Variants in SLC52A1 observed in about 807,000 individuals in gnomAD.
SLC52A1 encodes solute carrier family 52 member 1.
A neutral mutation model predicts 23.2 loss-of-function variants in SLC52A1; 20 were observed. The ratio of observed to expected loss-of-function variants is 0.86; its 90% CI spans 0.61 to 1.25. SLC52A1 has a LOEUF of 1.25. Among genes scored for constraint, SLC52A1 ranks in the 50% most tolerant of loss-of-function variants. The pLI, the probability that SLC52A1 is intolerant of heterozygous loss-of-function variation, is 0.00. For missense variants in SLC52A1, 528 were observed against 557.0 expected, an observed-to-expected ratio of 0.95 and a Z score of 0.52; for synonymous variants, 260 against 256.6, an observed-to-expected ratio of 1.01 and a Z score of -0.13.
At chr17:5,033,229 C>A (rs1365602758) in intron 4 of SLC52A1, 32 bp downstream of exon 4, 1 of 1,612,700 alleles carries the variant, frequency 6.2e-7, no homozygotes, top group East Asian at 2.2e-5. Context: ...AGGGGACACC[C>A]TCCTCCCCAC....
In SLC52A1 at chr17:5,032,849, A is replaced by G. The variant is rs1357310018; in HGVS notation, c.*108T>C. The G allele has an allele frequency of 1.0e-5, 10 of 995,366 alleles. No individual in the cohort carries two copies. The Admixed American group carries it at 2.2e-4, about 22-fold the overall frequency. The allele number at this position is 995,366 out of a possible 1,614,324, so 61.7% of individuals were successfully genotyped here. A position where few individuals can be genotyped will look rare whatever the true frequency, so the allele number is the denominator to read the frequency against. ...TCTGTGGAGTGTGCAGGTGTCCATG[A>G]GCGTTCCTGTGTTGGGGGAAGCCTG... On this transcript the variant is annotated 3_prime_UTR_variant, in exon 5 of 5. Coordinates refer to ENST00000254853, the MANE Select transcript of SLC52A1 (RefSeq NM_017986.4).
At chr17:5,041,720 C>A (rs1322249149) in intron 1 of SLC52A1, among the ~76,000 whole-genome samples, 2 of 152,098 alleles carry the variant, frequency 1.3e-5, no homozygotes, top group Non-Finnish European at 2.9e-5. Context: ...CTCAGGTGAT[C>A]CACCTGCCTC....
chr17:5,033,618 C>T lies in SLC52A1; in HGVS notation c.871G>A (p.Ala291Thr), dbSNP rs770890968. The change falls in exon 3 of 5, where the codon GCC (alanine) becomes ACC (threonine). Residue 291 changes from alanine (A) to threonine (T), a missense_variant. Physicochemically the swap from Ala to Thr is moderately conservative, Grantham distance 58. Transcript: ENST00000254853. ...FLLGLMAFTS[A>T]VTNGVLPSVQ... ...GAAGGCAGCACGCCATTGGTCACGG[C>T]ACTGGTGAAGGCCATCAGGCCCAGC... 1 of 1,614,034 alleles carries T rather than the reference C, an allele frequency of 6.2e-7. No individual in the cohort carries two copies. Among genetic ancestry groups the T allele is most frequent in the East Asian group, 2.2e-5 (1 of 44,888 alleles).
At chr17:5,035,636 C>T (rs1204931949), upstream of SLC52A1, among the ~76,000 whole-genome samples, 2 of 152,160 alleles carry the variant, frequency 1.3e-5, no homozygotes, top group Non-Finnish European at 2.9e-5. Context: ...CCCCCTCCGC[C>T]GGGGAGGCGG....
At chr17:5,035,808 C>CG (rs1975442112), upstream of SLC52A1, among the ~76,000 whole-genome samples, 1 of 114 alleles carries the variant, frequency 8.8e-3, no homozygotes, top group Non-Finnish European at 0.021. Flanking sequence ...GATCCTCCCA[C>CG]TCAGCCTCTC....
chr17:5,040,765 T>G (rs1046910302), intron 1 of SLC52A1, among the ~76,000 whole-genome samples: 7 of 151,950 alleles, frequency 4.6e-5, no homozygotes, highest in South Asian at 4.2e-4. Context: ...CAGTTCACCA[T>G]AAACCTATCA....
upstream of SLC52A1, among the ~76,000 whole-genome samples, chr17:5,035,633 C>T (rs1189247639): frequency 1.3e-5 from 2 of 152,178 alleles, no homozygotes; most frequent in Non-Finnish European, 2.9e-5. Context: ...GAGCCCCCTC[C>T]GCCGGGGAGG....
Position 5,035,088 on chromosome 17 carries a change from G to A in SLC52A1, c.-335C>T, listed in dbSNP as rs534309408. On this transcript the variant is annotated 5_prime_UTR_variant, in exon 1 of 5. Transcript: ENST00000254853. ...TTTGGGAAGCTGAGGAAGGCAGATC[G>A]CCTGAGGTCAGGAGATTGAGACCAT... 144 of 165,644 alleles carry A rather than the reference G, an allele frequency of 8.7e-4. No individual in the cohort carries two copies. The highest frequency in any genetic ancestry group is 1.7e-3 in the Non-Finnish European group (125 of 74,964). The allele number at this position is 165,644 out of a possible 1,614,324, so 10.3% of individuals were successfully genotyped here.
At chr17:5,039,676 T>C (rs1975522015), upstream of SLC52A1, among the ~76,000 whole-genome samples, 1 of 152,164 alleles carries the variant, frequency 6.6e-6, no homozygotes, top group Non-Finnish European at 1.5e-5. Flanking sequence ...TTCACCATGT[T>C]GGCCAGGCTG....
chr17:5,039,187 G>A (rs1338176793), upstream of SLC52A1, among the ~76,000 whole-genome samples: 1 of 151,798 alleles, frequency 6.6e-6, no homozygotes, highest in Non-Finnish European at 1.5e-5. Context: ...GCTGGGCTTG[G>A]TGGCACGCAC....
At position 5,034,539 on chromosome 17, in the gene SLC52A1, G is replaced by T. The variant is rs560354267; in HGVS notation, c.68C>A (p.Ser23Tyr). 5.6e-6 allele frequency: 9 copies of T among 1,614,010 alleles called. No individual in the cohort carries two copies. The highest frequency in any genetic ancestry group is 7.6e-6 in the Non-Finnish European group (9 of 1,180,040). ...CCAGATCCCGTTCACAGCAGCCCAG[G>T]AGCCCATGCCAAAAAGGGCCACCAG... ...HLLVALFGMG[S>Y]WAAVNGIWVE... is the part of the protein sequence containing the mutation. The change falls in exon 2 of 5, where the codon TCC (serine) becomes TAC (tyrosine). Residue 23 changes from serine (S) to tyrosine (Y), a missense_variant. Ser to Tyr is a moderately radical substitution (Grantham distance 144). Transcript: ENST00000254853.
Position 5,034,136 on chromosome 17 carries a change from G to A in SLC52A1, c.353C>T (p.Ala118Val). 1 of 1,614,198 alleles carries A rather than the reference G, an allele frequency of 6.2e-7. No homozygotes were observed. The highest frequency in any genetic ancestry group is 8.5e-7 in the Non-Finnish European group (1 of 1,180,020). ...ACAACAGGCCATTGCCAACACCAAG[G>A]CCAGAGTTAGGAAGGCCACAGAGTG... is the stretch of plus-strand genomic sequence containing the variant. ...QLHSVAFLTL[A>V]LVLAMACCTS... The change falls in exon 3 of 5, where the codon GCC becomes GTC. Residue 118 changes from alanine (A) to valine (V), a missense_variant. Physicochemically the swap from Ala to Val is moderately conservative, Grantham distance 64. Coordinates refer to ENST00000254853, the MANE Select transcript of SLC52A1 (RefSeq NM_017986.4).
rs951727011 is a variant in SLC52A1 at position 5,033,499 on chromosome 17, C to T, written c.990G>A (p.Leu330=). 2 of 1,612,076 alleles carry T rather than the reference C, an allele frequency of 1.2e-6. No individual in the cohort carries two copies. Among genetic ancestry groups the T allele is most frequent in the African/African-American group, 1.3e-5 (1 of 74,906 alleles). ...GSAANPLACF[L]AMGVLCRSLA... is the part of the protein sequence containing the mutation. The stretch of plus-strand genomic sequence containing the variant: ...TGCACCTGCACAGCACGCCCATGGC[C>T]AGGAAGCAGGCAAGGGGGTTGGCGG... Residue 330 remains leucine, a synonymous_variant, in exon 3 of 5, where the codon CTG becomes CTA. Transcript: ENST00000254853.
chr17:5,035,873 ATTTTT>A (rs71149503), upstream of SLC52A1, among the ~76,000 whole-genome samples: 18 of 45,302 alleles, frequency 4.0e-4, no homozygotes, highest in East Asian at 1.1e-3. Context: ...TGTCCAGCTA[ATTTTT>A]TTTTTTTTTT....
chr17:5,033,880 A>T lies in SLC52A1; in HGVS notation c.609T>A (p.Leu203=), dbSNP rs1379490465. The change falls in exon 3 of 5, where the codon CTT becomes CTA. Residue 203 remains leucine (L), a synonymous_variant. Coordinates refer to ENST00000254853, the MANE Select transcript of SLC52A1 (RefSeq NM_017986.4). ...ASTFFWALTA[L]LVTSAAAFRG... ...GGAAGGCGGCAGCTGAAGTGACCAG[A>T]AGGGCAGTCAGTGCCCAGAAGAAGG... 1 of 1,614,092 alleles carries T rather than the reference A, an allele frequency of 6.2e-7. No individual in the cohort carries two copies. Among genetic ancestry groups the T allele is most frequent in the Non-Finnish European group, 8.5e-7 (1 of 1,180,032 alleles).
In SLC52A1 at chr17:5,033,892, T is replaced by C; in HGVS notation, c.597A>G (p.Ala199=). Residue 199 remains alanine (A), a synonymous_variant, in exon 3 of 5, where the codon GCA becomes GCG. Transcript: ENST00000254853. The part of the protein sequence containing the change: ...ERFPASTFFW[A]LTALLVTSAA... ...CTGAAGTGACCAGAAGGGCAGTCAG[T>C]GCCCAGAAGAAGGTGCTGGCAGGAA... 3.1e-6 allele frequency: 5 copies of C among 1,614,128 alleles called. No individual in the cohort carries two copies. Among genetic ancestry groups the C allele is most frequent in the Non-Finnish European group, 4.2e-6 (5 of 1,180,020 alleles).
At chr17:5,036,358 A>G (rs4790728), upstream of SLC52A1, among the ~76,000 whole-genome samples, 792 of 147,620 alleles carry the variant, frequency 5.4e-3, 22 homozygotes, top group Admixed American at 0.042. Context: ...TAAATGGTTG[A>G]AAAAAAATTA....
chr17:5,035,801 C>T (rs1304304231), upstream of SLC52A1, among the ~76,000 whole-genome samples: 1 of 490 alleles, frequency 2.0e-3, no homozygotes, highest in Non-Finnish European at 9.8e-3. Flanking sequence ...CTCAAGGGAT[C>T]CTCCCACTCA....
chr17:5,036,576 T>TAAATAAA (rs1459689456), upstream of SLC52A1, among the ~76,000 whole-genome samples: 1 of 151,402 alleles, frequency 6.6e-6, no homozygotes, highest in African/African-American at 2.4e-5. Flanking sequence ...CACGCCTGGA[T>TAAATAAA]AATTTTTGTA....
Sources: gnomAD v4.1 joint callset for allele counts (sites outside exome capture counted in the v4.1 genomes callset) on GRCh38, gnomAD v4.1.1 for gene constraint, MANE v1.5 for transcripts, NCBI Gene and HGNC (gene_info 2026-07-23, HGNC 2026-07-21) for gene names.